The following SNAP23 variants were observed in gnomAD, a reference collection of about 807,000 sequenced individuals.
SNAP23 encodes the protein synaptosomal-associated protein 23.
A neutral mutation model predicts 29.0 loss-of-function variants in SNAP23; 11 were observed. That is an observed-to-expected ratio of 0.38 (90% CI 0.24 to 0.63). The LOEUF (loss-of-function observed/expected upper bound fraction) is 0.63. Ranked by LOEUF, SNAP23 falls within the 20% of genes least tolerant of loss-of-function variation. The pLI is 0.58. For synonymous variants in SNAP23, 60 were observed against 82.9 expected (o/e 0.72, Z 1.50); for missense variants, 220 against 253.9 (o/e 0.87, Z 0.91).
chr15:42,494,757 T>C (rs2141490776), upstream of SNAP23, among the ~76,000 whole-genome samples: 1 of 152,264 alleles, frequency 6.6e-6, no homozygotes, highest in Admixed American at 6.5e-5. Flanking sequence ...CCTCGTGATC[T>C]GCCCGCTTCA....
At chr15:42,494,228 T>C (rs144973594), upstream of SNAP23, among the ~76,000 whole-genome samples, 3 of 152,066 alleles carry the variant, frequency 2.0e-5, no homozygotes, top group East Asian at 5.8e-4. Flanking sequence ...CATCTCTACA[T>C]CTCCCCCACC....
intron 1 of SNAP23, among the ~76,000 whole-genome samples, chr15:42,511,574 G>C (rs1225301621): frequency 6.6e-6 from 1 of 152,146 alleles, no homozygotes; most frequent in Non-Finnish European, 1.5e-5. Context: ...CCACTTTCCT[G>C]TTGGAAAGAG....
At chr15:42,516,661 C>T (rs1258880970) in intron 5 of SNAP23, among the ~76,000 whole-genome samples, 1 of 152,158 alleles carries the variant, frequency 6.6e-6, no homozygotes, top group African/African-American at 2.4e-5. Context: ...GGTTCTTAGA[C>T]ATTAATATTT....
At chr15:42,529,650 G>A (rs1175769052) in intron 6 of SNAP23, 25 bp from the exon 7 acceptor site, 5 of 1,601,986 alleles carry the variant, frequency 3.1e-6, no homozygotes, top group Admixed American at 3.6e-5. Context: ...CAAAACCTAT[G>A]GAATTAACTG....
intron 1 of SNAP23, chr15:42,505,655 A>C (rs2057311132): frequency 6.7e-6 from 1 of 148,890 alleles, no homozygotes; most frequent in South Asian, 2.1e-4. Context: ...TCTCGGGTTC[A>C]ATCAACTCTC....
At chr15:42,506,823 T>C (rs545591464) in intron 1 of SNAP23, among the ~76,000 whole-genome samples, 16 of 151,736 alleles carry the variant, frequency 1.1e-4, no homozygotes, top group Non-Finnish European at 2.2e-4. Flanking sequence ...GAAAAAACTT[T>C]TTTTTTTTTT....
intron 5 of SNAP23, chr15:42,521,646 T>C: frequency 6.8e-7 from 1 of 1,475,226 alleles, no homozygotes; most frequent in Non-Finnish European, 9.2e-7. Flanking sequence ...CAGTAACTGA[T>C]CAAAGGGAAC....
intron 5 of SNAP23, among the ~76,000 whole-genome samples, chr15:42,516,694 G>A (rs2057399861): frequency 6.6e-6 from 1 of 152,164 alleles, no homozygotes; most frequent in African/African-American, 2.4e-5. Context: ...AGCTGGTCTT[G>A]TAAACCAACA....
intron 5 of SNAP23, among the ~76,000 whole-genome samples, chr15:42,518,985 C>A (rs372228444): frequency 6.6e-6 from 1 of 152,132 alleles, no homozygotes; most frequent in East Asian, 1.9e-4. Flanking sequence ...ACCTCAGCCT[C>A]ATGAGTAGCT....
In SNAP23 at chr15:42,528,319, A is replaced by G. The variant is rs779313963; in HGVS notation, c.324A>G (p.Glu108=). The G allele has an allele frequency of 6.2e-7, 1 of 1,614,160 alleles. No homozygotes were observed. Among genetic ancestry groups the G allele is most frequent in the South Asian group, 1.1e-5 (1 of 91,076 alleles). The change falls in exon 6 of 8, where the codon GAA becomes GAG. Residue 108 remains glutamate (E), a synonymous_variant. Coordinates refer to ENST00000249647, the MANE Select transcript of SNAP23 (RefSeq NM_003825.4). Reference sequence around the variant, plus strand: ...AGACAACATGGGGAGATGGTGGAGAAAACTCACCTTGCAATGTAGTATCTA... The same window carrying G: ...AGACAACATGGGGAGATGGTGGAGAGAACTCACCTTGCAATGTAGTATCTA... ...AYKTTWGDGG[E]NSPCNVVSKQ...
chr15:42,505,601 GC>G (rs2057310555), intron 1 of SNAP23: 2 of 146,768 alleles, frequency 1.4e-5, no homozygotes, highest in Non-Finnish European at 3.0e-5. Flanking sequence ...TGTTGCCCAG[GC>G]TGAAGTACAG....
intron 5 of SNAP23, among the ~76,000 whole-genome samples, chr15:42,524,549 G>A (rs1221342467): frequency 6.6e-6 from 1 of 152,130 alleles, no homozygotes; most frequent in Non-Finnish European, 1.5e-5. Context: ...CTAGTTGTAC[G>A]CTCCTTATGA....
intron 5 of SNAP23, among the ~76,000 whole-genome samples, chr15:42,522,448 T>G (rs1210326267): frequency 6.6e-6 from 1 of 152,148 alleles, no homozygotes; most frequent in Non-Finnish European, 1.5e-5. Context: ...TGTCTGACTC[T>G]TAAGTTTAGA....
intron 1 of SNAP23, among the ~76,000 whole-genome samples, chr15:42,510,626 G>A (rs2057352056): frequency 2.0e-5 from 3 of 152,202 alleles, no homozygotes; most frequent in South Asian, 2.1e-4. Flanking sequence ...TATTTTTGGA[G>A]TATCTACCAT....
At chr15:42,521,482 C>T in intron 5 of SNAP23, 1 of 1,338,674 alleles carries the variant, frequency 7.5e-7, no homozygotes, top group Non-Finnish European at 9.6e-7. Flanking sequence ...TGAAACCAGG[C>T]AGGAAATTGA....
upstream of SNAP23, among the ~76,000 whole-genome samples, chr15:42,493,329 A>G (rs2057189592): frequency 6.6e-6 from 1 of 151,160 alleles, no homozygotes. Context: ...ACAGAGCAAG[A>G]CCTTCTCTCT....
intron 1 of SNAP23, among the ~76,000 whole-genome samples, chr15:42,498,397 C>T (rs2057241424): frequency 6.6e-6 from 1 of 152,188 alleles, no homozygotes; most frequent in Admixed American, 6.5e-5. Context: ...CACCTGCAGG[C>T]CCAGCTACCA....
At chr15:42,502,363 T>C (rs1290917843) in intron 1 of SNAP23, among the ~76,000 whole-genome samples, 1 of 152,132 alleles carries the variant, frequency 6.6e-6, no homozygotes, top group Non-Finnish European at 1.5e-5. Flanking sequence ...TGACTCTTAA[T>C]ATCGGAATAT....
At chr15:42,503,174 A>C (rs570370500) in intron 1 of SNAP23, among the ~76,000 whole-genome samples, 11 of 152,174 alleles carry the variant, frequency 7.2e-5, no homozygotes, top group Admixed American at 6.6e-4. Context: ...GTGTACTTTG[A>C]AACCAAGCTG....
Sources: allele counts gnomAD v4.1 joint callset (sites outside exome capture counted in the v4.1 genomes callset), GRCh38; gene constraint gnomAD v4.1.1; transcripts MANE v1.5; gene names NCBI Gene and HGNC (gene_info 2026-07-23, HGNC 2026-07-21).